KIAA0586: variants seen among roughly 807,000 people sequenced by gnomAD.
The protein encoded by KIAA0586 is protein TALPID3.
In KIAA0586, 144 loss-of-function variants were observed where a neutral mutation model predicts 169.8. The observed-to-expected ratio is 0.85, with a 90% CI of 0.74 to 0.97. The LOEUF (loss-of-function observed/expected upper bound fraction) is 0.97, where lower values mean the gene tolerates loss of function less well. Among genes scored for constraint, KIAA0586 ranks in the 50% least tolerant of loss-of-function variants. The probability of loss-of-function intolerance (pLI) is 0.00; values close to 1 mark genes in which losing one functional copy is unlikely to be tolerated. For missense variants in KIAA0586, 1,854 were observed against 1,823.0 expected, an observed-to-expected ratio of 1.02 and a Z score of -0.31; for synonymous variants, 625 against 612.4, an observed-to-expected ratio of 1.02 and a Z score of -0.30.
rs1352284830 is a variant in KIAA0586 at position 58,487,102 on chromosome 14, T to C, written c.3240T>C (p.Asp1080=). 6.2e-7 allele frequency: 1 copy of C among 1,613,744 alleles called. No individual in the cohort carries two copies. Among genetic ancestry groups the C allele is most frequent in the Non-Finnish European group, 8.5e-7 (1 of 1,179,642 alleles). ...AGTGTGTTTTGGTAAAGACTCCAGA[T>C]TCTTCTCCCTGTGATTCGGATCATG... ...AKECVLVKTP[D]SSPCDSDHDM... The change falls in exon 22 of 31, where the codon GAT becomes GAC. Residue 1080 remains aspartate (D), a synonymous_variant. Transcript: ENST00000652326.
chr14:58,528,904 A>G (rs914329141), intron 29 of KIAA0586, among the ~76,000 whole-genome samples: 9 of 152,322 alleles, frequency 5.9e-5, no homozygotes, highest in Non-Finnish European at 7.4e-5. Flanking sequence ...AAAAAAATCA[A>G]TGAATGCAGG....
rs534086494 is a variant in KIAA0586 at position 58,505,801 on chromosome 14, T to A, written c.4169-2754T>A. On this transcript the variant is annotated intron_variant, in intron 27 of 30. Coordinates refer to ENST00000652326, the MANE Select transcript of KIAA0586 (RefSeq NM_001329943.3). ...CTTGTTAGTTTTAAAGCTGTTTCTATAGTTTAGATGTTTTCTACTATTTGT... is the reference window on the plus strand; with the variant it reads ...CTTGTTAGTTTTAAAGCTGTTTCTAAAGTTTAGATGTTTTCTACTATTTGT... Among the ~76,000 whole-genome samples the A allele has an allele frequency of 4.6e-4, 70 of 152,340 alleles. No homozygotes were observed. In the East Asian group the frequency reaches 0.011, roughly 23 times the overall value.
intron 21 of KIAA0586, among the ~76,000 whole-genome samples, chr14:58,485,930 T>C (rs1190004354): frequency 1.3e-5 from 2 of 152,312 alleles, no homozygotes; most frequent in Middle Eastern, 3.4e-3. Context: ...TGTAACTGGG[T>C]TTGATCATCA....
intron 29 of KIAA0586, among the ~76,000 whole-genome samples, chr14:58,535,698 GA>G (rs2046237589): frequency 7.3e-6 from 1 of 137,688 alleles, no homozygotes; most frequent in Non-Finnish European, 1.6e-5. Context: ...TAATTTATTG[GA>G]TTTTTTTTTT....
At chr14:58,484,914 A>ATT (rs1401262639) in intron 21 of KIAA0586, among the ~76,000 whole-genome samples, 2 of 14,614 alleles carry the variant, frequency 1.4e-4, no homozygotes, top group Non-Finnish European at 2.8e-4. Flanking sequence ...ATATATATAT[A>ATT]TATATATATA....
At chr14:58,547,725 G>C in intron 30 of KIAA0586, 56 bp from the exon 31 acceptor site, 2 of 1,256,222 alleles carry the variant, frequency 1.6e-6, no homozygotes, top group Non-Finnish European at 2.3e-6. Context: ...AAAGCATAAA[G>C]CACGTAAATA....
intron 29 of KIAA0586, among the ~76,000 whole-genome samples, chr14:58,516,542 G>T (rs1232916060): frequency 6.6e-6 from 1 of 152,162 alleles, no homozygotes; most frequent in Admixed American, 6.5e-5. Context: ...TTGCCAAAGG[G>T]ACAAGGCAGA....
At chr14:58,486,967 G>T in intron 21 of KIAA0586, 40 bp from the exon 22 acceptor site, 1 of 1,470,648 alleles carries the variant, frequency 6.8e-7, no homozygotes, top group South Asian at 1.3e-5. Context: ...TTTTATTTGG[G>T]TGATTATAAA....
At chr14:58,525,860 C>T (rs925355011) in intron 29 of KIAA0586, among the ~76,000 whole-genome samples, 1 of 152,212 alleles carries the variant, frequency 6.6e-6, no homozygotes, top group Non-Finnish European at 1.5e-5. Flanking sequence ...ACCTGGGATG[C>T]TCAAGCTTGG....
the KIAA0586 span, among the ~76,000 whole-genome samples, chr14:58,558,199 C>T: frequency 1.3e-3 from 205 of 152,154 alleles, 2 homozygotes; most frequent in African/African-American, 4.5e-3. Context: ...TGGCAAGCCA[C>T]GGCACCAGGC....
rs768024676 is a variant in KIAA0586, at chr14:58,453,350, G to A, written c.1130G>A (p.Gly377Glu). Residue 377 changes from glycine to glutamate, a missense_variant and splice_region_variant, in exon 9 of 31, where the codon GGA becomes GAA. Coordinates refer to ENST00000652326, the MANE Select transcript of KIAA0586 (RefSeq NM_001329943.3). ...KENMEVSCHR[G>E]NVRLLEQILN... ...TGATACTATATCTCTTCTATTTCAGGAAATGTAAGACTATTGGAACAAATT... is the reference window on the plus strand; with the variant it reads ...TGATACTATATCTCTTCTATTTCAGAAAATGTAAGACTATTGGAACAAATT... 9.4e-6 allele frequency: 12 copies of A among 1,273,320 alleles called. No homozygotes were observed. In the South Asian group the frequency reaches 1.2e-4, roughly 13 times the overall value. The allele number at this position is 1,273,320 out of a possible 1,614,324, so 78.9% of individuals were successfully genotyped here.
Position 58,547,871 on chromosome 14 carries a change from A to G in KIAA0586, c.4586A>G (p.Gln1529Arg). The G allele has an allele frequency of 6.2e-7, 1 of 1,613,794 alleles. No homozygotes were observed. The highest frequency in any genetic ancestry group is 8.5e-7 in the Non-Finnish European group (1 of 1,179,746). Residue 1529 changes from glutamine (Q) to arginine (R), a missense_variant, in exon 31 of 31, where the codon CAG becomes CGG. Coordinates refer to ENST00000652326, the MANE Select transcript of KIAA0586 (RefSeq NM_001329943.3). ...LPSVNLEDCS[Q>R]SLSLSTMQED... is the part of the protein sequence containing the mutation. ...TCAGTGAACCTCGAGGACTGCTCTC[A>G]GTCTCTGAGTCTCAGCACAATGCAG... is the stretch of plus-strand genomic sequence containing the variant.
chr14:58,438,438 T>C (rs996802524), intron 4 of KIAA0586, among the ~76,000 whole-genome samples: 6 of 152,186 alleles, frequency 3.9e-5, no homozygotes, highest in Non-Finnish European at 7.3e-5. Flanking sequence ...TGGTTAAATA[T>C]ATATATTGAG....
intron 26 of KIAA0586, among the ~76,000 whole-genome samples, chr14:58,497,268 C>T (rs2043216927): frequency 1.3e-5 from 2 of 152,010 alleles, no homozygotes; most frequent in South Asian, 2.1e-4. Flanking sequence ...CCACCATGCC[C>T]AGCCAACGAT....
chr14:58,474,924 G>A, intron 19 of KIAA0586, 127 bp downstream of exon 19: 1 of 728,700 alleles, frequency 1.4e-6, no homozygotes, highest in South Asian at 2.0e-5. Flanking sequence ...TTTAGTCACT[G>A]GAAAGTGTTT....
chr14:58,469,790 A>C (rs183085002), intron 16 of KIAA0586, among the ~76,000 whole-genome samples: 40 of 152,352 alleles, frequency 2.6e-4, no homozygotes, highest in African/African-American at 4.8e-4. Context: ...ATCAGCAAGC[A>C]AACTAAATAA....
At chr14:58,429,286 T>G (rs1433811828) in intron 1 of KIAA0586, 77 bp from the exon 2 acceptor site, 1 of 834,134 alleles carries the variant, frequency 1.2e-6, no homozygotes, top group East Asian at 2.4e-5. Context: ...TTATAGATCT[T>G]GAATCATGCA....
At chr14:58,560,820 CTAA>C in the KIAA0586 span, among the ~76,000 whole-genome samples, 1 of 152,190 alleles carries the variant, frequency 6.6e-6, no homozygotes, top group Non-Finnish European at 1.5e-5. Context: ...CCTTTGGGAG[CTAA>C]TTTTTTGAGG....
In KIAA0586 at chr14:58,477,205, G is replaced by C; in HGVS notation, c.2908G>C (p.Val970Leu). Residue 970 changes from valine (V) to leucine (L), a missense_variant, in exon 20 of 31, where the codon GTC becomes CTC. By Grantham distance (32) the Val-to-Leu change is conservative. Coordinates refer to ENST00000652326, the MANE Select transcript of KIAA0586 (RefSeq NM_001329943.3). ...QQIAPSISVS[V>L]SETSEPLTSD... ...GATTGCACCTAGTATCAGTGTTTCA[G>C]TCAGTGAGACAAGTGAACCACTGAC... 3.2e-6 allele frequency: 5 copies of C among 1,576,504 alleles called. No homozygotes were observed. In the South Asian group the frequency reaches 5.8e-5, roughly 18 times the overall value.
Sources: gnomAD v4.1 joint callset for allele counts (sites outside exome capture counted in the v4.1 genomes callset) on GRCh38, gnomAD v4.1.1 for gene constraint, MANE v1.5 for transcripts, NCBI Gene and HGNC (gene_info 2026-07-23, HGNC 2026-07-21) for gene names.